AQP7: variants seen among roughly 807,000 people sequenced by gnomAD.
The protein encoded by AQP7 is aquaporin-7.
AQP7 carries 22 observed loss-of-function variants against 26.1 expected under a neutral mutation model. That is an observed-to-expected ratio of 0.84 (90% CI 0.60 to 1.20). The LOEUF (loss-of-function observed/expected upper bound fraction) is 1.20. Among genes scored for constraint, AQP7 ranks in the 50% most tolerant of loss-of-function variants. The pLI is 0.00. For synonymous variants in AQP7, 167 were observed against 181.7 expected (o/e 0.92, Z 0.65); for missense variants, 412 against 457.5 (o/e 0.90, Z 0.91).
chr9:33,396,832 T>G (rs1213944230), intron 2 of AQP7, among the ~76,000 whole-genome samples: 1 of 151,362 alleles, frequency 6.6e-6, no homozygotes, highest in Non-Finnish European at 1.5e-5. Context: ...CCAGGCACAG[T>G]GTCTCACGCC....
intron 1 of AQP7, 197 bp from the exon 2 acceptor site, chr9:33,401,484 G>T: frequency 1.7e-6 from 1 of 575,146 alleles, no homozygotes; most frequent in Non-Finnish European, 3.1e-6. Flanking sequence ...CCCCACCCAT[G>T]CTGGCCCCAG....
intron 3 of AQP7, among the ~76,000 whole-genome samples, chr9:33,388,652 A>G (rs760767460): frequency 2.2e-4 from 34 of 152,294 alleles, no homozygotes; most frequent in Admixed American, 5.2e-4. Context: ...CCTTAACACC[A>G]ATCTTATGAC....
intron 2 of AQP7, among the ~76,000 whole-genome samples, chr9:33,396,466 A>G (rs1419878024): frequency 7.1e-6 from 1 of 141,694 alleles, no homozygotes; most frequent in Non-Finnish European, 1.6e-5. Flanking sequence ...AAAAAGAGGA[A>G]GAAGAGGGAT....
At chr9:33,385,465 A>G in intron 7 of AQP7, 175 bp from the exon 8 acceptor site, 1 of 981,984 alleles carries the variant, frequency 1.0e-6, no homozygotes. Flanking sequence ...GTTGACACTC[A>G]GTGCAGGTGC....
rs536149748 is a variant in AQP7 at position 33,394,428 on chromosome 9, G to T, written c.144+650C>A. On this transcript the variant is annotated intron_variant, in intron 3 of 7. Transcript: ENST00000297988. Reference sequence around the variant, plus strand: ...TTGCCAGCCTTCAACATCACCCACTGCCCTCTGGATTCATTATCAGAGCCC... The same window carrying T: ...TTGCCAGCCTTCAACATCACCCACTTCCCTCTGGATTCATTATCAGAGCCC... Among the ~76,000 whole-genome samples, 138 of 150,358 alleles carry T rather than the reference G, an allele frequency of 9.2e-4. 1 individual carries two copies. Among genetic ancestry groups the T allele is most frequent in the Non-Finnish European group, 1.3e-4 (9 of 67,842 alleles).
Position 33,386,468 on chromosome 9 carries a change from G to A in AQP7, c.342C>T (p.Val114=). Residue 114 remains valine (V), a synonymous_variant, in exon 5 of 8, where the codon GTC becomes GTT. Coordinates refer to ENST00000297988, the MANE Select transcript of AQP7 (RefSeq NM_001170.3). The stretch of plus-strand genomic sequence containing the variant: ...AGCCCAGGAACTGCCCCAGCACATA[G>A]ACCGGAAACTTCCTCCAGGGCACGC... ...LGRVPWRKFP[V]YVLGQFLGSF... The A allele has an allele frequency of 6.2e-7, 1 of 1,612,144 alleles. No homozygotes were observed. Among genetic ancestry groups the A allele is most frequent in the Non-Finnish European group, 8.5e-7 (1 of 1,179,230 alleles).
Position 33,401,075 on chromosome 9 carries a change from T to G in AQP7, c.26+162A>C, listed in dbSNP as rs1587161294. 8 of 759,596 alleles carry G rather than the reference T, an allele frequency of 1.1e-5. No homozygotes were observed. In the East Asian group the frequency reaches 2.2e-4, roughly 21 times the overall value. The allele number at this position is 759,596 out of a possible 1,614,324, so 47.1% of individuals were successfully genotyped here. A position where few individuals can be genotyped will look rare whatever the true frequency, so the allele number is the denominator to read the frequency against. On this transcript the variant is annotated intron_variant, in intron 2 of 7. Transcript: ENST00000297988. ...AGCCCAGGCAACAGGTGGAAGATGC[T>G]CTTCTTCTGGGACCTCAGAGGCGAG... is the stretch of plus-strand genomic sequence containing the variant.
At chr9:33,385,477 G>A (rs938944655) in intron 7 of AQP7, 172 bp downstream of exon 7, 5 of 998,306 alleles carry the variant, frequency 5.0e-6, no homozygotes, top group Admixed American at 2.5e-5. Flanking sequence ...TGCAGGTGCA[G>A]GATCTGTATC....
At chr9:33,397,750 C>T (rs913477157) in intron 2 of AQP7, among the ~76,000 whole-genome samples, 1 of 152,078 alleles carries the variant, frequency 6.6e-6, no homozygotes, top group African/African-American at 2.4e-5. Context: ...CCATCCAACC[C>T]CAGCTCCCAT....
At chr9:33,394,252 A>T (rs1200455039) in intron 3 of AQP7, 1 of 152,062 alleles carries the variant, frequency 6.6e-6, no homozygotes. Context: ...TTCTTCTCCA[A>T]CCCCAAACCA....
At position 33,384,747 on chromosome 9, in the gene AQP7, G is replaced by A. The variant is rs1252339581; in HGVS notation, c.*258C>T. 14 of 379,716 alleles carry A rather than the reference G, an allele frequency of 3.7e-5. 1 individual carries two copies. The Middle Eastern group carries it at 2.1e-3, about 56-fold the overall frequency. The allele number at this position is 379,716 out of a possible 1,614,324, so 23.5% of individuals were successfully genotyped here. A position where few individuals can be genotyped will look rare whatever the true frequency, so the allele number is the denominator to read the frequency against. ...GTGCCTGAAAATCCCTCATTCTGTCGTTCTTTCATCTCACCCTGTTCCTAC... is the reference window on the plus strand; with the variant it reads ...GTGCCTGAAAATCCCTCATTCTGTCATTCTTTCATCTCACCCTGTTCCTAC... On this transcript the variant is annotated 3_prime_UTR_variant, in exon 8 of 8. Transcript: ENST00000297988.
chr9:33,392,798 G>A (rs1027226962), intron 3 of AQP7, among the ~76,000 whole-genome samples: 3 of 152,206 alleles, frequency 2.0e-5, no homozygotes, highest in African/African-American at 7.2e-5. Context: ...GCAGAGAGGA[G>A]AGAGCAGCTA....
At chr9:33,398,559 G>A (rs1237843221) in intron 2 of AQP7, among the ~76,000 whole-genome samples, 1 of 152,226 alleles carries the variant, frequency 6.6e-6, no homozygotes, top group Non-Finnish European at 1.5e-5. Context: ...GTTAGAGAGG[G>A]AAGAGAGCGG....
In AQP7 at chr9:33,393,058, T is replaced by A. The variant is rs1356709567; in HGVS notation, c.144+2020A>T. Among the ~76,000 whole-genome samples the A allele has an allele frequency of 3.3e-5, 5 of 152,232 alleles. No homozygotes were observed. The East Asian group carries it at 9.7e-4, about 29-fold the overall frequency. On this transcript the variant is annotated intron_variant, in intron 3 of 7. Coordinates refer to ENST00000297988, the MANE Select transcript of AQP7 (RefSeq NM_001170.3). ...GCCTGGCCAACATGGTGAAACCCCATCTCTACTAAAAATAGAAAAATTAGC... is the reference window on the plus strand; with the variant it reads ...GCCTGGCCAACATGGTGAAACCCCAACTCTACTAAAAATAGAAAAATTAGC...
intron 2 of AQP7, chr9:33,395,454 G>T: frequency 2.1e-6 from 1 of 473,726 alleles, no homozygotes; most frequent in Non-Finnish European, 3.8e-6. Flanking sequence ...CACCAATGAG[G>T]CCACTTTGCA....
At chr9:33,400,389 A>G (rs571076501) in intron 2 of AQP7, among the ~76,000 whole-genome samples, 1 of 152,188 alleles carries the variant, frequency 6.6e-6, no homozygotes, top group African/African-American at 2.4e-5. Flanking sequence ...AAAGCCATGA[A>G]GGAGACGAGA....
chr9:33,385,381 G>A, intron 7 of AQP7, 91 bp from the exon 8 acceptor site: 1 of 1,438,182 alleles, frequency 7.0e-7, no homozygotes, highest in Non-Finnish European at 9.4e-7. Context: ...GAGCAGAGGA[G>A]TCATCCCCAG....
chr9:33,387,779 C>T (rs1825001448), intron 3 of AQP7, among the ~76,000 whole-genome samples: 1 of 152,114 alleles, frequency 6.6e-6, no homozygotes, highest in South Asian at 2.1e-4. Context: ...TATCCTCTCC[C>T]TCTGCAGAGG....
chr9:33,385,243 C>G lies in AQP7; in HGVS notation c.791G>C (p.Gly264Ala). ...GTAGATGATGCCACCTAGATAGGCA[C>G]CCAGAAGTGGTGCCACCACTGGCAC... Reference protein sequence around the residue: ...WWVPVVAPLLGAYLGGIIYLV... With the variant: ...WWVPVVAPLLAAYLGGIIYLV... Residue 264 changes from glycine to alanine, a missense_variant, in exon 8 of 8, where the codon GGT (glycine) becomes GCT (alanine). Physicochemically the swap from Gly to Ala is moderately conservative, Grantham distance 60 (BLOSUM62 0). Transcript: ENST00000297988. 6.2e-7 allele frequency: 1 copy of G among 1,611,724 alleles called. No individual in the cohort carries two copies. The highest frequency in any genetic ancestry group is 8.5e-7 in the Non-Finnish European group (1 of 1,179,764).
Sources: gnomAD v4.1 joint callset for allele counts (sites outside exome capture counted in the v4.1 genomes callset) on GRCh38, gnomAD v4.1.1 for gene constraint, MANE v1.5 for transcripts, NCBI Gene and HGNC (gene_info 2026-07-23, HGNC 2026-07-21) for gene names.